The following NRXN3 variants were observed in gnomAD, a reference collection of about 807,000 sequenced individuals.
NRXN3 encodes the protein neurexin III.
Under a neutral mutation model 137.6 loss-of-function variants are expected in NRXN3, and 32 were observed. The ratio of observed to expected loss-of-function variants is 0.23; its 90% CI spans 0.18 to 0.31. The LOEUF (loss-of-function observed/expected upper bound fraction) is 0.31. Among genes scored for constraint, NRXN3 ranks in the 10% least tolerant of loss-of-function variants. The pLI is 1.00. For synonymous variants in NRXN3, 798 were observed against 784.5 expected (o/e 1.02, Z -0.29); for missense variants, 1,574 against 2,062.5 (o/e 0.76, Z 4.59).
At chr14:78,531,862 G>A (rs558904367) in intron 4 of NRXN3, among the ~76,000 whole-genome samples, 3 of 152,242 alleles carry the variant, frequency 2.0e-5, no homozygotes, top group Non-Finnish European at 4.4e-5. Flanking sequence ...TTGGGGGAAG[G>A]TTTTATGCTT....
chr14:78,902,672 A>G (rs1416687186), intron 10 of NRXN3, among the ~76,000 whole-genome samples: 2 of 152,014 alleles, frequency 1.3e-5, no homozygotes, highest in African/African-American at 2.4e-5. Flanking sequence ...CTATAGGATG[A>G]AATTTAATAC....
At chr14:79,757,356 T>G (rs1427539484) in intron 19 of NRXN3, among the ~76,000 whole-genome samples, 1 of 152,194 alleles carries the variant, frequency 6.6e-6, no homozygotes, top group Admixed American at 6.5e-5. Flanking sequence ...GGTACTGTTA[T>G]CATCGTCCTG....
intron 15 of NRXN3, among the ~76,000 whole-genome samples, chr14:79,441,553 T>A (rs1355972073): frequency 6.6e-6 from 1 of 151,690 alleles, no homozygotes; most frequent in East Asian, 2.0e-4. Flanking sequence ...CTAATTTGTT[T>A]GTATTTTTAG....
chr14:78,493,719 A>G (rs1434442573), intron 4 of NRXN3, among the ~76,000 whole-genome samples: 2 of 152,084 alleles, frequency 1.3e-5, no homozygotes, highest in African/African-American at 4.8e-5. Context: ...AGAAAAAATG[A>G]CTTTCAGTGC....
intron 20 of NRXN3, among the ~76,000 whole-genome samples, chr14:79,834,944 G>A (rs1342317951): frequency 2.6e-5 from 4 of 151,958 alleles, no homozygotes; most frequent in Admixed American, 1.3e-4. Context: ...ACACATTCCC[G>A]ACCCGCCACC....
intron 19 of NRXN3, among the ~76,000 whole-genome samples, chr14:79,705,232 A>G (rs2098772717): frequency 6.6e-6 from 1 of 152,094 alleles, no homozygotes. Flanking sequence ...GAGTGTTTTT[A>G]AACCTCAGGG....
intron 15 of NRXN3, among the ~76,000 whole-genome samples, chr14:78,995,079 A>G (rs747767763): frequency 1.2e-4 from 19 of 152,178 alleles, no homozygotes; most frequent in Non-Finnish European, 2.6e-4. Context: ...ACAGTTTAAC[A>G]TCTGTACTGA....
chr14:79,556,056 T>A (rs1341961825), intron 16 of NRXN3, among the ~76,000 whole-genome samples: 2 of 152,006 alleles, frequency 1.3e-5, no homozygotes, highest in Non-Finnish European at 2.9e-5. Flanking sequence ...AGGGTGTGAG[T>A]GGATGGGGAC....
chr14:78,988,175 T>C lies in NRXN3; in HGVS notation c.3262+34T>C, dbSNP rs950283076. 6 of 1,612,524 alleles carry C rather than the reference T, an allele frequency of 3.7e-6. No homozygotes were observed. The African/African-American group carries it at 8.0e-5, about 22-fold the overall frequency. ...AACAACCTTTCATACTGGAACTTTG[T>C]GAAGATGTTTGGAGATTTGGAGAAT... is the stretch of plus-strand genomic sequence containing the variant. On this transcript the variant is annotated intron_variant, in intron 15 of 20. Transcript: ENST00000335750.
intron 15 of NRXN3, among the ~76,000 whole-genome samples, chr14:79,300,123 T>C (rs2084891477): frequency 1.3e-5 from 2 of 152,020 alleles, no homozygotes; most frequent in African/African-American, 4.8e-5. Context: ...ACATGTGTTG[T>C]CTCATATGAT....
At chr14:78,612,559 G>A (rs745983595) in intron 4 of NRXN3, among the ~76,000 whole-genome samples, 1 of 152,148 alleles carries the variant, frequency 6.6e-6, no homozygotes, top group African/African-American at 2.4e-5. Context: ...TATGGATAAG[G>A]CAATGCAGTG....
rs936277693 is a variant in NRXN3, at chr14:78,326,686, G to T, written c.757+28826G>T. Among the ~76,000 whole-genome samples the T allele has an allele frequency of 2.0e-5, 3 of 152,172 alleles. No homozygotes were observed. The South Asian group carries it at 6.2e-4, about 31-fold the overall frequency. Reference sequence around the variant, plus strand: ...GCGTGGTGTTCACAGAGCAATGGAGGTTGAGGCAAAATTCGCTCTGAAGTT... The same window carrying T: ...GCGTGGTGTTCACAGAGCAATGGAGTTTGAGGCAAAATTCGCTCTGAAGTT... On this transcript the variant is annotated intron_variant, in intron 4 of 20. Coordinates refer to ENST00000335750, the MANE Select transcript of NRXN3 (RefSeq NM_001330195.2).
intron 16 of NRXN3, among the ~76,000 whole-genome samples, chr14:79,507,563 GA>G (rs1376644118): frequency 1.3e-5 from 2 of 152,140 alleles, no homozygotes; most frequent in Non-Finnish European, 2.9e-5. Context: ...AGGAGCTGAA[GA>G]AAGAGAGAAA....
intron 10 of NRXN3, among the ~76,000 whole-genome samples, chr14:78,821,450 C>T (rs2098950484): frequency 1.3e-5 from 2 of 152,032 alleles, no homozygotes; most frequent in African/African-American, 4.8e-5. Flanking sequence ...AAGGAACTGC[C>T]CCACTGACCA....
At chr14:78,255,686 T>G (rs1332843497) in intron 2 of NRXN3, among the ~76,000 whole-genome samples, 2 of 152,240 alleles carry the variant, frequency 1.3e-5, no homozygotes, top group African/African-American at 4.8e-5. Flanking sequence ...TCTGTTTCCC[T>G]TAGTTAATGC....
intron 15 of NRXN3, among the ~76,000 whole-genome samples, chr14:79,058,551 T>G (rs1253668400): frequency 6.6e-6 from 1 of 152,136 alleles, no homozygotes; most frequent in Non-Finnish European, 1.5e-5. Context: ...TTGACCTGAG[T>G]GAACTTTGAG....
At chr14:79,738,315 C>CCACACACACACACACACACACACA (rs10539564) in intron 19 of NRXN3, among the ~76,000 whole-genome samples, 6 of 138,052 alleles carry the variant, frequency 4.3e-5, no homozygotes, top group East Asian at 2.2e-4. Flanking sequence ...ATTTCCCCCG[C>CCACACACACACACACACACACACA]CACACACACA....
intron 15 of NRXN3, among the ~76,000 whole-genome samples, chr14:79,195,908 A>G (rs1439652343): frequency 6.6e-6 from 1 of 152,244 alleles, no homozygotes. Context: ...TGAGAAAGGA[A>G]CACAATACTG....
At chr14:78,317,744 TTAAGTTGACACG>T (rs1198907056) in intron 4 of NRXN3, among the ~76,000 whole-genome samples, 4 of 152,186 alleles carry the variant, frequency 2.6e-5, no homozygotes, top group African/African-American at 7.2e-5. Context: ...TGGGACTCAG[TTAAGTTGACACG>T]TAAAATTACA....
Sources: allele counts gnomAD v4.1 joint callset (sites outside exome capture counted in the v4.1 genomes callset), GRCh38; gene constraint gnomAD v4.1.1; transcripts MANE v1.5; gene names NCBI Gene and HGNC (gene_info 2026-07-23, HGNC 2026-07-21).